CAMK2G: variants seen among roughly 807,000 people sequenced by gnomAD.
CAMK2G encodes calcium/calmodulin-dependent protein kinase type II subunit gamma.
In CAMK2G, 23 loss-of-function variants were observed where a neutral mutation model predicts 88.7. That is an observed-to-expected ratio of 0.26 (90% confidence interval 0.19 to 0.37). The LOEUF (loss-of-function observed/expected upper bound fraction) is 0.37, where lower values mean the gene tolerates loss of function less well. Among genes scored for constraint, CAMK2G ranks in the 10% least tolerant of loss-of-function variants. The pLI is 1.00. For synonymous variants in CAMK2G, 263 were observed against 294.8 expected, an observed-to-expected ratio of 0.89 and a Z score of 1.11; for missense variants, 476 against 780.8, an observed-to-expected ratio of 0.61 and a Z score of 4.65.
intron 6 of CAMK2G, 69 bp downstream of exon 6, chr10:73,849,192 A>AC (rs1393147387): frequency 3.5e-5 from 55 of 1,565,784 alleles, no homozygotes; most frequent in Non-Finnish European, 4.6e-5. Context: ...CCTACGCAGT[A>AC]CCACTATCTG....
intron 15 of CAMK2G, among the ~76,000 whole-genome samples, 187 bp downstream of exon 15, chr10:73,827,902 C>T (rs2091482863): frequency 1.3e-5 from 2 of 152,234 alleles, no homozygotes; most frequent in Admixed American, 1.3e-4. Flanking sequence ...CCAATGTCCA[C>T]TTTTTAGGCT....
chr10:73,853,383 C>T (rs1294481475), intron 3 of CAMK2G, 137 bp from the exon 4 acceptor site: 15 of 738,542 alleles, frequency 2.0e-5, no homozygotes, highest in Admixed American at 1.4e-4. Context: ...GGGGAAGTGG[C>T]GACGTGCCCA....
chr10:73,826,985 G>A (rs888564393), intron 15 of CAMK2G, among the ~76,000 whole-genome samples: 2 of 152,148 alleles, frequency 1.3e-5, no homozygotes, highest in East Asian at 1.9e-4. Flanking sequence ...CTAAACTCAC[G>A]GGAGCTCTGC....
chr10:73,837,491 T>G lies in CAMK2G; in HGVS notation c.1030A>C (p.Lys344Gln), dbSNP rs1301293294. The G allele has an allele frequency of 6.2e-7, 1 of 1,613,790 alleles. No individual in the cohort carries two copies. The highest frequency in any genetic ancestry group is 8.5e-7 in the Non-Finnish European group (1 of 1,179,704). The change falls in exon 14 of 23, where the codon AAG becomes CAG. Residue 344 changes from lysine to glutamine, a missense_variant. Lys to Gln is a moderately conservative substitution (Grantham distance 53). Transcript: ENST00000423381. ...AGQAAKSLLNKKSDGGVKKRK... is the reference protein window; with the variant it reads ...AGQAAKSLLNQKSDGGVKKRK... Reference sequence around the variant, plus strand: ...ACCTTGACACCGCCATCCGACTTCTTGTTCAATAGGCTTTTGGCAGCTGTG... The same window carrying G: ...ACCTTGACACCGCCATCCGACTTCTGGTTCAATAGGCTTTTGGCAGCTGTG...
intron 2 of CAMK2G, among the ~76,000 whole-genome samples, chr10:73,863,555 A>G (rs897098472): frequency 4.6e-5 from 7 of 152,226 alleles, no homozygotes; most frequent in Admixed American, 2.0e-4. Flanking sequence ...CCTCCAGCCC[A>G]TAACTCTCAG....
chr10:73,872,658 A>G (rs1039478299), intron 2 of CAMK2G, among the ~76,000 whole-genome samples: 1 of 152,190 alleles, frequency 6.6e-6, no homozygotes, highest in Non-Finnish European at 1.5e-5. Flanking sequence ...CCAAAGGGAG[A>G]GGCTCCAAAT....
intron 2 of CAMK2G, among the ~76,000 whole-genome samples, chr10:73,863,536 C>T (rs975033363): frequency 2.6e-5 from 4 of 152,200 alleles, no homozygotes; most frequent in African/African-American, 9.7e-5. Flanking sequence ...TGGGCACAAA[C>T]CTCACCACCC....
At chr10:73,856,573 A>C (rs906763443) in intron 3 of CAMK2G, among the ~76,000 whole-genome samples, 3 of 152,196 alleles carry the variant, frequency 2.0e-5, no homozygotes, top group African/African-American at 7.2e-5. Context: ...TGCGTTAACT[A>C]AGCACAACTG....
chr10:73,857,954 C>T (rs1447589368), intron 3 of CAMK2G, among the ~76,000 whole-genome samples: 1 of 152,218 alleles, frequency 6.6e-6, no homozygotes, highest in Non-Finnish European at 1.5e-5. Context: ...CCCAAATACC[C>T]GAGAACATTC....
intron 16 of CAMK2G, among the ~76,000 whole-genome samples, 192 bp downstream of exon 16, chr10:73,825,087 T>C (rs1255920841): frequency 6.6e-6 from 1 of 152,088 alleles, no homozygotes; most frequent in African/African-American, 2.4e-5. Context: ...ACTTCTGCCA[T>C]GCGGGATGGA....
intron 3 of CAMK2G, among the ~76,000 whole-genome samples, chr10:73,857,808 G>A (rs150898812): frequency 7.9e-4 from 121 of 152,304 alleles, no homozygotes; most frequent in Middle Eastern, 6.8e-3. Context: ...CACTCCCAGC[G>A]CTGTTTGGAG....
rs1430352012 is a variant in CAMK2G at position 73,817,031 on chromosome 10, A to C, written c.1526T>G (p.Phe509Cys). Reference protein sequence around the residue: ...VEGMDFHKFYFENLLSKNSKP... With the variant: ...VEGMDFHKFYCENLLSKNSKP... ...AGCACGAACCCACTCACGATTCTCA[A>C]AGTAAAACTTATGGAAATCCATCCC... Residue 509 changes from phenylalanine (F) to cysteine (C), a missense_variant, in exon 21 of 23, where the codon TTT (phenylalanine) becomes TGT (cysteine). By Grantham distance (205) the Phe-to-Cys change is radical. Around this residue, in one of 3 missense-constraint regions of CAMK2G, gnomAD observed 278 missense variants for 366.5 expected, o/e 0.76. Coordinates refer to ENST00000423381, the MANE Select transcript of CAMK2G (RefSeq NM_001367534.1). 1.2e-6 allele frequency: 2 copies of C among 1,614,040 alleles called. No homozygotes were observed. The highest frequency in any genetic ancestry group is 3.3e-5 in the Admixed American group (2 of 60,002).
intron 19 of CAMK2G, 41 bp from the exon 20 acceptor site, chr10:73,817,595 C>A: frequency 7.2e-7 from 1 of 1,388,372 alleles, no homozygotes. Context: ...TACTGGGGAA[C>A]CTCCCAAGTT....
intron 2 of CAMK2G, among the ~76,000 whole-genome samples, chr10:73,865,911 C>G (rs899294524): frequency 1.3e-5 from 2 of 151,872 alleles, no homozygotes; most frequent in Non-Finnish European, 2.9e-5. Flanking sequence ...TGCCACTTCC[C>G]GCTTTTGCAC....
chr10:73,847,228 G>C lies in CAMK2G; in HGVS notation c.816C>G (p.Val272=), dbSNP rs750306703. The C allele has an allele frequency of 6.2e-7, 1 of 1,614,076 alleles. No homozygotes were observed. Among genetic ancestry groups the C allele is most frequent in the Non-Finnish European group, 8.5e-7 (1 of 1,180,014 alleles). Residue 272 remains valine, a synonymous_variant, in exon 10 of 23, where the codon GTC becomes GTG. Transcript: ENST00000423381. ...GGCCACTAGCAAAGACACTTACACA[G>C]ACCCACGGGTGCTTGAGAGCCTGGT... ...TADQALKHPW[V]CQRSTVASMM...
chr10:73,850,441 G>A (rs1590870711), intron 5 of CAMK2G, among the ~76,000 whole-genome samples: 1 of 152,232 alleles, frequency 6.6e-6, no homozygotes, highest in South Asian at 2.1e-4. Context: ...CACCGCAGGG[G>A]ACATTTGGCA....
intron 2 of CAMK2G, among the ~76,000 whole-genome samples, chr10:73,864,809 A>AT: frequency 6.6e-6 from 1 of 151,896 alleles, no homozygotes; most frequent in Non-Finnish European, 1.5e-5. Flanking sequence ...TGCCCGGCTA[A>AT]TTTTTTTGTA....
Position 73,842,601 on chromosome 10 carries a change from C to T in CAMK2G, c.820-60G>A. 8.2e-7 allele frequency: 1 copy of T among 1,214,176 alleles called. No homozygotes were observed. The highest frequency in any genetic ancestry group is 1.5e-5 in the African/African-American group (1 of 67,332). 75.2% of individuals were successfully genotyped at this position (1,214,176 alleles called of 1,614,324 possible). On this transcript the variant is annotated intron_variant, in intron 10 of 22. Transcript: ENST00000423381. The surrounding 1 kb of genome is among the most constrained non-coding windows in gnomAD (Gnocchi z 4.6). ...CCAGATCCTCTGCGCCTCCCACAGT[C>T]CTGGCACCGATACCATGCCCAGGAC...
Position 73,842,739 on chromosome 10 carries a change from A to G in CAMK2G, c.820-198T>C, listed in dbSNP as rs1439290824. ...CCGAAACTCAAGGTTACATAAGGAC[A>G]ACATGAACGTGAGAACACCATAACG... is the stretch of plus-strand genomic sequence containing the variant. On this transcript the variant is annotated intron_variant, in intron 10 of 22. Transcript: ENST00000423381. The surrounding 1 kb of genome is among the most constrained non-coding windows in gnomAD (Gnocchi z 4.6). Among the ~76,000 whole-genome samples, 1 of 152,198 alleles carries G rather than the reference A, an allele frequency of 6.6e-6. No homozygotes were observed. The highest frequency in any genetic ancestry group is 2.4e-5 in the African/African-American group (1 of 41,456).
Sources: gnomAD v4.1 joint callset for allele counts (sites outside exome capture counted in the v4.1 genomes callset) on GRCh38, gnomAD v4.1.1 for gene constraint, gnomAD v4.1.1 regional missense constraint, Gnocchi (gnomAD v3.1) non-coding constraint, MANE v1.5 for transcripts, NCBI Gene and HGNC (gene_info 2026-07-23, HGNC 2026-07-21) for gene names.